Variants in ST8SIA6 observed in about 807,000 individuals in gnomAD.
ST8SIA6 encodes the protein alpha-2,8-sialyltransferase 8F.
ST8SIA6 carries 39 observed loss-of-function variants against 33.6 expected under a neutral mutation model. The ratio of observed to expected loss-of-function variants is 1.16; its 90% CI spans 0.90 to 1.52. The LOEUF (loss-of-function observed/expected upper bound fraction) is 1.52. ST8SIA6 is among the 40% of genes most tolerant of loss of function. The probability of loss-of-function intolerance (pLI) is 0.00; values close to 1 mark genes in which losing one functional copy is unlikely to be tolerated. For missense variants in ST8SIA6, 441 were observed against 443.8 expected, an observed-to-expected ratio of 0.99 and a Z score of 0.06; for synonymous variants, 172 against 167.2, an observed-to-expected ratio of 1.03 and a Z score of -0.22.
intron 2 of ST8SIA6, among the ~76,000 whole-genome samples, chr10:17,434,931 G>C (rs888969804): frequency 3.3e-5 from 5 of 152,104 alleles, no homozygotes; most frequent in Non-Finnish European, 5.9e-5. Context: ...CAGACTCTCC[G>C]ACCCACCCAC....
In ST8SIA6 at chr10:17,316,184, T is replaced by C. The variant is rs1369620755; in HGVS notation, c.*4694A>G. 6.6e-6 allele frequency among the ~76,000 whole-genome samples: 1 copy of C among 152,066 alleles called. No homozygotes were observed. The highest frequency in any genetic ancestry group is 6.6e-5 in the Admixed American group (1 of 15,252). ...CTCCGATTACCCTCTTCTTAATGGG[T>C]ACCCTTCTTGTATTTGACACGTAGC... On this transcript the variant is annotated 3_prime_UTR_variant, in exon 8 of 8. Coordinates refer to ENST00000377602, the MANE Select transcript of ST8SIA6 (RefSeq NM_001004470.3).
At position 17,321,173 on chromosome 10, in the gene ST8SIA6, G is replaced by C. The variant is rs1415610374; in HGVS notation, c.902C>G (p.Pro301Arg). 6.2e-7 allele frequency: 1 copy of C among 1,614,064 alleles called. No individual in the cohort carries two copies. Among genetic ancestry groups the C allele is most frequent in the South Asian group, 1.1e-5 (1 of 91,080 alleles). Reference protein sequence around the residue: ...KARQKVLFFHPKYLKDLALFW... With the variant: ...KARQKVLFFHRKYLKDLALFW... ...AAGGGCCAGATCTTTCAGGTACTTG[G>C]GATGGAAAAATAGAACCTTTTGTCT... The change falls in exon 8 of 8, where the codon CCC becomes CGC. Residue 301 changes from proline to arginine, a missense_variant. Coordinates refer to ENST00000377602, the MANE Select transcript of ST8SIA6 (RefSeq NM_001004470.3).
At chr10:17,368,969 T>C (rs1009128290) in intron 3 of ST8SIA6, among the ~76,000 whole-genome samples, 4 of 152,170 alleles carry the variant, frequency 2.6e-5, no homozygotes, top group African/African-American at 4.8e-5. Flanking sequence ...TGGCATCACA[T>C]AGGATAGGCT....
chr10:17,450,927 G>C (rs943753097), intron 2 of ST8SIA6, among the ~76,000 whole-genome samples: 1 of 151,988 alleles, frequency 6.6e-6, no homozygotes, highest in African/African-American at 2.4e-5. Flanking sequence ...ATCTTTCCCA[G>C]CACCTATGGC....
intron 5 of ST8SIA6, among the ~76,000 whole-genome samples, chr10:17,330,765 T>C (rs549221426): frequency 1.3e-5 from 2 of 152,316 alleles, no homozygotes; most frequent in South Asian, 2.1e-4. Flanking sequence ...GATGTTTATG[T>C]TCCTCAGAAC....
At chr10:17,334,491 G>A (rs12268758) in intron 4 of ST8SIA6, among the ~76,000 whole-genome samples, 50,225 of 149,792 alleles carry the variant, frequency 0.34, 9,785 homozygotes, top group African/African-American at 0.53. Context: ...GTGAGCCGCA[G>A]TAGCGCCACT....
chr10:17,387,279 T>C (rs1315943998), intron 3 of ST8SIA6, among the ~76,000 whole-genome samples: 1 of 151,632 alleles, frequency 6.6e-6, no homozygotes, highest in African/African-American at 2.4e-5. Flanking sequence ...GAGACGGAGT[T>C]TCGCTCTCGT....
chr10:17,408,135 G>T (rs767581105), intron 2 of ST8SIA6: 1 of 152,544 alleles, frequency 6.6e-6, no homozygotes, highest in Non-Finnish European at 1.5e-5. Flanking sequence ...GTCAGGCTCC[G>T]CTCTGGATCC....
intron 2 of ST8SIA6, among the ~76,000 whole-genome samples, chr10:17,415,803 CTTTTTTTTT>C (rs968920842): frequency 2.2e-5 from 2 of 92,232 alleles, no homozygotes; most frequent in South Asian, 7.4e-4. Flanking sequence ...CCTCACTTGT[CTTTTTTTTT>C]TTTTTTTTTT....
chr10:17,415,493 A>G (rs974888327), intron 2 of ST8SIA6, among the ~76,000 whole-genome samples: 3 of 152,074 alleles, frequency 2.0e-5, no homozygotes, highest in African/African-American at 7.2e-5. Context: ...CTTCAGGCCC[A>G]TTCATCTTCC....
chr10:17,356,908 A>G (rs1849211376), intron 4 of ST8SIA6, among the ~76,000 whole-genome samples: 2 of 152,162 alleles, frequency 1.3e-5, no homozygotes, highest in South Asian at 2.1e-4. Flanking sequence ...GTCCAAAAAA[A>G]AGAAAGGAAA....
At chr10:17,415,249 T>C (rs145196830) in intron 2 of ST8SIA6, among the ~76,000 whole-genome samples, 61 of 152,256 alleles carry the variant, frequency 4.0e-4, no homozygotes, top group Middle Eastern at 3.4e-3. Context: ...AATATGACAC[T>C]TCAGACTTCA....
chr10:17,446,205 T>C (rs534554695), intron 2 of ST8SIA6, among the ~76,000 whole-genome samples: 16 of 152,234 alleles, frequency 1.1e-4, no homozygotes, highest in Admixed American at 7.8e-4. Flanking sequence ...GACTCCTCAC[T>C]TGAGGACATC....
At chr10:17,330,664 G>A (rs542314468) in intron 5 of ST8SIA6, among the ~76,000 whole-genome samples, 22 of 152,160 alleles carry the variant, frequency 1.4e-4, no homozygotes, top group Non-Finnish European at 3.1e-4. Flanking sequence ...CACATATAGA[G>A]GGATCCTATT....
At chr10:17,397,391 C>A (rs193123675) in intron 2 of ST8SIA6, among the ~76,000 whole-genome samples, 2 of 152,044 alleles carry the variant, frequency 1.3e-5, no homozygotes, top group Non-Finnish European at 2.9e-5. Flanking sequence ...CCTGCCACCA[C>A]GACTGGCTAA....
Position 17,333,688 on chromosome 10 carries a change from TATATATATATATATATATATATATATATA to T in ST8SIA6, c.378-2165_378-2137del, listed in dbSNP as rs1588793189. Among the ~76,000 whole-genome samples the T allele has an allele frequency of 2.2e-3, 47 of 21,310 alleles. 1 individual carries two copies. Among genetic ancestry groups the T allele is most frequent in the African/African-American group, 5.2e-3 (36 of 6,922 alleles). The allele number at this position is 21,310 out of a possible 152,430, so 14.0% of individuals were successfully genotyped here. A position where few individuals can be genotyped will look rare whatever the true frequency, so the allele number is the denominator to read the frequency against. On this transcript the variant is annotated intron_variant, in intron 4 of 7. Transcript: ENST00000377602. ...TGGTGCTGGGATATATATATATATATATATATATATATATATATATATATATATATTTTTTTTTTTTTTTTTTTTTTTTG... is the reference window on the plus strand; with the variant it reads ...TGGTGCTGGGATATATATATATATATTTTTTTTTTTTTTTTTTTTTTTTTG...
chr10:17,387,149 G>C (rs1011587027), intron 3 of ST8SIA6: 2 of 152,366 alleles, frequency 1.3e-5, no homozygotes, highest in Non-Finnish European at 1.5e-5. Flanking sequence ...AAGCTATGAG[G>C]GTGAAAGTGG....
chr10:17,407,174 C>T (rs900622932), intron 2 of ST8SIA6, among the ~76,000 whole-genome samples: 4 of 152,174 alleles, frequency 2.6e-5, no homozygotes, highest in African/African-American at 9.7e-5. Context: ...AGCTTAAAGT[C>T]AGGCTGCTAA....
intron 2 of ST8SIA6, among the ~76,000 whole-genome samples, chr10:17,424,214 G>A (rs561972014): frequency 6.1e-4 from 91 of 150,358 alleles, no homozygotes; most frequent in Admixed American, 1.1e-3. Flanking sequence ...AGCAATTCTC[G>A]TGCTTCAGCT....
Sources: gnomAD v4.1 joint callset for allele counts (sites outside exome capture counted in the v4.1 genomes callset) on GRCh38, gnomAD v4.1.1 for gene constraint, MANE v1.5 for transcripts, NCBI Gene and HGNC (gene_info 2026-07-23, HGNC 2026-07-21) for gene names.